The following LINGO2 variants were observed in gnomAD, a reference collection of about 807,000 sequenced individuals.
LINGO2 encodes the protein leucine rich repeat and Ig domain containing 2.
LINGO2 carries 14 observed loss-of-function variants against 30.6 expected under a neutral mutation model. The ratio of observed to expected loss-of-function variants is 0.46; its 90% CI spans 0.30 to 0.72. The LOEUF (loss-of-function observed/expected upper bound fraction) is 0.72. Among genes scored for constraint, LINGO2 ranks in the 30% least tolerant of loss-of-function variants. The pLI is 0.07. For missense variants in LINGO2, 729 were observed against 751.7 expected, an observed-to-expected ratio of 0.97 and a Z score of 0.35; for synonymous variants, 317 against 288.5, an observed-to-expected ratio of 1.10 and a Z score of -1.00.
At chr9:28,347,970 A>G (rs553121963) in intron 3 of LINGO2, among the ~76,000 whole-genome samples, 1 of 152,294 alleles carries the variant, frequency 6.6e-6, no homozygotes, top group East Asian at 1.9e-4. Flanking sequence ...AAAGATTTGG[A>G]TGTAAAGAAT....
At chr9:28,324,175 G>A (rs146215589) in intron 3 of LINGO2, among the ~76,000 whole-genome samples, 3,132 of 152,176 alleles carry the variant, frequency 0.021, 115 homozygotes, top group African/African-American at 0.072. Context: ...TGGCTTGCAC[G>A]GGCCCCTGTC....
the LINGO2 span, among the ~76,000 whole-genome samples, chr9:28,762,212 T>A: frequency 6.6e-6 from 1 of 152,206 alleles, no homozygotes; most frequent in Admixed American, 6.5e-5. Flanking sequence ...ATTTCCATTT[T>A]AATTGTACTA....
At chr9:28,388,608 A>G (rs1297417421) in intron 2 of LINGO2, among the ~76,000 whole-genome samples, 4 of 152,112 alleles carry the variant, frequency 2.6e-5, no homozygotes. Flanking sequence ...CCAATCCTGT[A>G]TCTCACCCTT....
intron 2 of LINGO2, among the ~76,000 whole-genome samples, chr9:28,409,782 A>G (rs1195727749): frequency 2.0e-5 from 3 of 151,976 alleles, no homozygotes; most frequent in Non-Finnish European, 4.4e-5. Context: ...TGCATATTAG[A>G]GTAGAAGGGA....
intron 2 of LINGO2, among the ~76,000 whole-genome samples, chr9:28,402,360 A>G (rs1822306524): frequency 6.6e-6 from 1 of 152,192 alleles, no homozygotes; most frequent in Non-Finnish European, 1.5e-5. Flanking sequence ...AAAACTTCAT[A>G]TTATATATAA....
chr9:28,061,756 G>T (rs910483640), intron 4 of LINGO2, among the ~76,000 whole-genome samples: 21 of 151,992 alleles, frequency 1.4e-4, no homozygotes, highest in African/African-American at 5.1e-4. Context: ...TGACAGTAAC[G>T]CAAAATAGCA....
At chr9:28,818,133 GA>G in the LINGO2 span, among the ~76,000 whole-genome samples, 1 of 152,140 alleles carries the variant, frequency 6.6e-6, no homozygotes, top group Non-Finnish European at 1.5e-5. Context: ...TCAGAACTAA[GA>G]CCTGGTTAAT....
chr9:28,244,968 A>G (rs1191978170), intron 4 of LINGO2, among the ~76,000 whole-genome samples: 2 of 152,346 alleles, frequency 1.3e-5, no homozygotes, highest in South Asian at 2.1e-4. Flanking sequence ...GGCCAGCATC[A>G]TTCTGATACC....
the LINGO2 span, among the ~76,000 whole-genome samples, chr9:28,708,835 A>G: frequency 1.3e-5 from 2 of 148,462 alleles, no homozygotes; most frequent in East Asian, 4.0e-4. Context: ...TCATCTATCT[A>G]TCATCTACAT....
intron 4 of LINGO2, among the ~76,000 whole-genome samples, chr9:28,178,069 G>A (rs923688320): frequency 6.6e-6 from 1 of 152,084 alleles, no homozygotes; most frequent in African/African-American, 2.4e-5. Flanking sequence ...AAAGTCCTAG[G>A]AGCTATGAAG....
intron 1 of LINGO2, among the ~76,000 whole-genome samples, chr9:28,624,362 T>C (rs2135842279): frequency 6.6e-6 from 1 of 152,174 alleles, no homozygotes; most frequent in African/African-American, 2.4e-5. Flanking sequence ...ATATCTAGTT[T>C]TGGGCGGATT....
intron 4 of LINGO2, among the ~76,000 whole-genome samples, chr9:28,127,492 T>C (rs1322445061): frequency 6.6e-6 from 1 of 152,208 alleles, no homozygotes; most frequent in Admixed American, 6.5e-5. Context: ...TAAAGAACTT[T>C]CCTTGAGGAG....
intron 4 of LINGO2, among the ~76,000 whole-genome samples, chr9:28,264,622 T>G (rs35824833): frequency 0.03 from 4,584 of 151,984 alleles, 115 homozygotes; most frequent in Non-Finnish European, 0.049. Context: ...CAGGGCATGC[T>G]ATGGAAAAGC....
At chr9:29,202,991 GTAAT>G in the LINGO2 span, among the ~76,000 whole-genome samples, 2 of 152,046 alleles carry the variant, frequency 1.3e-5, no homozygotes, top group Non-Finnish European at 2.9e-5. Flanking sequence ...TATTTTAAGT[GTAAT>G]TAAAGACAAA....
At chr9:28,181,580 T>A (rs1441730751) in intron 4 of LINGO2, among the ~76,000 whole-genome samples, 2 of 152,076 alleles carry the variant, frequency 1.3e-5, no homozygotes, top group Non-Finnish European at 2.9e-5. Flanking sequence ...CACATTCAAG[T>A]TTGAGAACCA....
intron 1 of LINGO2, among the ~76,000 whole-genome samples, chr9:28,625,112 C>G (rs1587978982): frequency 6.6e-6 from 1 of 152,108 alleles, no homozygotes; most frequent in African/African-American, 2.4e-5. Flanking sequence ...ACCCCAGAGC[C>G]CTTTAGCTTG....
At chr9:28,006,527 C>T (rs1445493700) in intron 5 of LINGO2, among the ~76,000 whole-genome samples, 1 of 152,040 alleles carries the variant, frequency 6.6e-6, no homozygotes, top group Non-Finnish European at 1.5e-5. Flanking sequence ...AGAACAGAAG[C>T]TCAACTCCAG....
intron 1 of LINGO2, among the ~76,000 whole-genome samples, chr9:28,610,973 C>A (rs1825892540): frequency 6.6e-6 from 1 of 152,040 alleles, no homozygotes; most frequent in South Asian, 2.1e-4. Context: ...TCCTTAATTA[C>A]CAAAAGTCAG....
At chr9:29,033,857 G>C in the LINGO2 span, among the ~76,000 whole-genome samples, 1 of 152,050 alleles carries the variant, frequency 6.6e-6, no homozygotes, top group Admixed American at 6.6e-5. Flanking sequence ...GAGGCAAGTG[G>C]ATCAGTTGAG....
Sources: gnomAD v4.1 joint callset for allele counts (sites outside exome capture counted in the v4.1 genomes callset) on GRCh38, gnomAD v4.1.1 for gene constraint, MANE v1.5 for transcripts, NCBI Gene and HGNC (gene_info 2026-07-23, HGNC 2026-07-21) for gene names.